Variants in COL24A1 observed in about 807,000 individuals in gnomAD.
COL24A1 encodes the protein collagen type XXIV alpha 1 chain, also known as collagen alpha-1(XXIV) chain.
COL24A1 carries 224 observed loss-of-function variants against 253.9 expected under a neutral mutation model. The observed-to-expected ratio is 0.88, with a 90% CI of 0.79 to 0.99. The LOEUF is 0.99. Among genes scored for constraint, COL24A1 ranks in the 50% least tolerant of loss-of-function variants. COL24A1 has a pLI of 0.00. For synonymous variants in COL24A1, 685 were observed against 673.7 expected, an observed-to-expected ratio of 1.02 and a Z score of -0.26; for missense variants, 2,131 against 2,068.5, an observed-to-expected ratio of 1.03 and a Z score of -0.59.
chr1:86,048,970 G>C (rs1347018596), intron 11 of COL24A1, among the ~76,000 whole-genome samples: 1 of 152,124 alleles, frequency 6.6e-6, no homozygotes, highest in Non-Finnish European at 1.5e-5. Context: ...CATGTCAAAG[G>C]ATCAGAAAAG....
intron 43 of COL24A1, among the ~76,000 whole-genome samples, chr1:85,828,936 A>T: frequency 6.6e-6 from 1 of 150,672 alleles, no homozygotes; most frequent in Admixed American, 6.7e-5. Context: ...TAAAGTTAAT[A>T]TTGTTATGTG....
chr1:86,155,238 C>T (rs1653371264), intron 1 of COL24A1: 2 of 151,968 alleles, frequency 1.3e-5, no homozygotes, highest in South Asian at 4.2e-4. Flanking sequence ...GAAGAGAGCG[C>T]GCGCGCGAGC....
chr1:85,783,807 T>C (rs567712742), intron 50 of COL24A1, among the ~76,000 whole-genome samples: 57 of 152,160 alleles, frequency 3.7e-4, no homozygotes, highest in African/African-American at 1.3e-3. Context: ...AATGGTAAAA[T>C]TTAGGTAATG....
chr1:85,952,916 A>G (rs914505297), intron 24 of COL24A1, among the ~76,000 whole-genome samples: 3 of 152,186 alleles, frequency 2.0e-5, no homozygotes, highest in Non-Finnish European at 4.4e-5. Flanking sequence ...AATCAGAACC[A>G]CAATGATTTT....
At chr1:86,075,948 G>T (rs1256201197) in intron 7 of COL24A1, among the ~76,000 whole-genome samples, 1 of 152,148 alleles carries the variant, frequency 6.6e-6, no homozygotes, top group Admixed American at 6.5e-5. Context: ...TACTGAATGA[G>T]TAAAAGCTGG....
chr1:85,953,164 C>T (rs1238097685), intron 24 of COL24A1, among the ~76,000 whole-genome samples: 1 of 152,156 alleles, frequency 6.6e-6, no homozygotes, highest in Non-Finnish European at 1.5e-5. Context: ...AGACAGAGCA[C>T]TACTAATAAA....
At chr1:86,033,204 G>C (rs1029045900) in intron 13 of COL24A1, among the ~76,000 whole-genome samples, 1 of 152,066 alleles carries the variant, frequency 6.6e-6, no homozygotes, top group Non-Finnish European at 1.5e-5. Flanking sequence ...ATTTACTTAC[G>C]TGTAATTATT....
chr1:85,797,005 C>T (rs550165889), intron 47 of COL24A1, among the ~76,000 whole-genome samples: 39 of 151,350 alleles, frequency 2.6e-4, no homozygotes, highest in African/African-American at 8.7e-4. Flanking sequence ...TCGAGACCAT[C>T]CTGGGTAACA....
intron 51 of COL24A1, among the ~76,000 whole-genome samples, chr1:85,782,127 C>G (rs1206140182): frequency 6.6e-6 from 1 of 152,146 alleles, no homozygotes; most frequent in Admixed American, 6.5e-5. Context: ...CTTGCTGTCG[C>G]CCAGGCTGGA....
rs575237204 is a variant in COL24A1, at chr1:85,828,375, G to A, written c.3682-4637C>T. On this transcript the variant is annotated intron_variant, in intron 43 of 59. Coordinates refer to ENST00000370571, the MANE Select transcript of COL24A1 (RefSeq NM_152890.7). ...GTCAATTTTGGAATAGGTGTGGTGT[G>A]GTGCTGAAAAAAATGTATATTCTGT... Among the ~76,000 whole-genome samples the A allele has an allele frequency of 3.0e-3, 459 of 151,316 alleles. 16 individuals carry two copies. The highest frequency in any genetic ancestry group is 0.024 in the Admixed American group (361 of 15,092).
intron 43 of COL24A1, among the ~76,000 whole-genome samples, chr1:85,837,797 A>G (rs1334072607): frequency 1.3e-5 from 2 of 152,196 alleles, no homozygotes; most frequent in African/African-American, 4.8e-5. Context: ...CAAAGATTAC[A>G]TAATATTATA....
chr1:86,141,990 A>G (rs1235555403), intron 2 of COL24A1, among the ~76,000 whole-genome samples: 1 of 151,990 alleles, frequency 6.6e-6, no homozygotes, highest in Non-Finnish European at 1.5e-5. Flanking sequence ...TGAGCCTCGC[A>G]TCTGGCCAGT....
intron 32 of COL24A1, among the ~76,000 whole-genome samples, chr1:85,881,000 C>A (rs965581984): frequency 1.3e-5 from 2 of 152,108 alleles, no homozygotes; most frequent in African/African-American, 2.4e-5. Flanking sequence ...ATGTGTTTGT[C>A]TGGTTTTGTT....
At chr1:85,815,629 T>C (rs1672982754) in intron 47 of COL24A1, among the ~76,000 whole-genome samples, 1 of 152,058 alleles carries the variant, frequency 6.6e-6, no homozygotes, top group Non-Finnish European at 1.5e-5. Context: ...AGATAACTCA[T>C]TGTAGTGAAA....
At chr1:85,908,071 G>T (rs1406816506) in intron 27 of COL24A1, among the ~76,000 whole-genome samples, 1 of 151,654 alleles carries the variant, frequency 6.6e-6, no homozygotes, top group African/African-American at 2.4e-5. Flanking sequence ...GATCCTAAAG[G>T]CCGATCTTGT....
rs1692041283 is a variant in COL24A1 at position 85,970,440 on chromosome 1, G to GT, written c.2419-170dup. Reference sequence around the variant, plus strand: ...AACTCCATCACCCCACAACACTTTAGTTTTTTTGTGTGAACCTGGTGCATT... The same window carrying GT: ...AACTCCATCACCCCACAACACTTTAGTTTTTTTTGTGTGAACCTGGTGCATT... On this transcript the variant is annotated intron_variant, in intron 21 of 59. Coordinates refer to ENST00000370571, the MANE Select transcript of COL24A1 (RefSeq NM_152890.7). 3.9e-5 allele frequency among the ~76,000 whole-genome samples: 6 copies of GT among 152,092 alleles called. No homozygotes were observed. The South Asian group carries it at 1.2e-3, about 32-fold the overall frequency.
intron 37 of COL24A1, among the ~76,000 whole-genome samples, chr1:85,858,619 CCCTCCTTCCTTCCTTCCTT>C (rs1175273782): frequency 7.3e-6 from 1 of 137,796 alleles, no homozygotes; most frequent in Middle Eastern, 3.6e-3. Context: ...CTTATTTTCT[CCCTCCTTCCTTCCTTCCTT>C]CCTTCCTTCC....
rs941473458 is a variant in COL24A1 at position 86,107,771 on chromosome 1, G to A, written c.1599+4796C>T. On this transcript the variant is annotated intron_variant, in intron 5 of 59. Coordinates refer to ENST00000370571, the MANE Select transcript of COL24A1 (RefSeq NM_152890.7). Reference sequence around the variant, plus strand: ...AGGATGGTCTCGATCTCCTGACCTCGTGATCTACCCGCCTCGGCCTCCCAA... The same window carrying A: ...AGGATGGTCTCGATCTCCTGACCTCATGATCTACCCGCCTCGGCCTCCCAA... Among the ~76,000 whole-genome samples the A allele has an allele frequency of 2.6e-5, 4 of 152,064 alleles. No homozygotes were observed. In the East Asian group the frequency reaches 7.7e-4, roughly 29 times the overall value.
chr1:86,032,479 T>C (rs1029206227), intron 13 of COL24A1, among the ~76,000 whole-genome samples: 3 of 152,182 alleles, frequency 2.0e-5, no homozygotes, highest in African/African-American at 7.2e-5. Context: ...ACTGTTAAAT[T>C]ATTTATATAA....
Sources: allele counts gnomAD v4.1 joint callset (sites outside exome capture counted in the v4.1 genomes callset), GRCh38; gene constraint gnomAD v4.1.1; transcripts MANE v1.5; gene names NCBI Gene and HGNC (gene_info 2026-07-23, HGNC 2026-07-21).